The following SIM2 variants were observed in gnomAD, a reference collection of about 807,000 sequenced individuals.
SIM2 encodes SIM bHLH transcription factor 2.
A neutral mutation model predicts 64.8 loss-of-function variants in SIM2; 28 were observed. That is an observed-to-expected ratio of 0.43 (90% CI 0.32 to 0.59). The LOEUF is 0.59. Among genes scored for constraint, SIM2 ranks in the 20% least tolerant of loss-of-function variants. SIM2 has a pLI of 0.07. For missense variants in SIM2, 847 were observed against 871.4 expected (o/e 0.97, Z 0.35); for synonymous variants, 408 against 391.1 (o/e 1.04, Z -0.51).
chr21:36,716,347 T>C (rs570452973), intron 3 of SIM2, among the ~76,000 whole-genome samples: 2 of 152,322 alleles, frequency 1.3e-5, no homozygotes, highest in South Asian at 4.1e-4. Context: ...GTAACTAGTA[T>C]ACATGTTCAA....
intron 6 of SIM2, among the ~76,000 whole-genome samples, chr21:36,730,041 G>C (rs1334741784): frequency 6.6e-6 from 1 of 152,170 alleles, no homozygotes; most frequent in Non-Finnish European, 1.5e-5. Flanking sequence ...GCGTTATCCT[G>C]TCTTCTGGGG....
At chr21:36,735,423 G>A (rs1238180586) in intron 7 of SIM2, among the ~76,000 whole-genome samples, 2 of 152,170 alleles carry the variant, frequency 1.3e-5, no homozygotes, top group African/African-American at 2.4e-5. Flanking sequence ...TCTTTCCCTT[G>A]TCCACAGAGG....
intron 8 of SIM2, 144 bp downstream of exon 8, chr21:36,742,008 T>G (rs960609893): frequency 3.0e-6 from 3 of 999,340 alleles, no homozygotes; most frequent in Non-Finnish European, 2.8e-6. Context: ...TTAATTTTTT[T>G]TTTTTAGGAA....
chr21:36,748,196 G>C lies in SIM2; in HGVS notation c.*104G>C. On this transcript the variant is annotated 3_prime_UTR_variant, in exon 11 of 11. Coordinates refer to ENST00000290399, the MANE Select transcript of SIM2 (RefSeq NM_005069.6). ...ACCTACATTAATTTATGCAGAGACAGCTGTTTGAATTGGACCCCGCCGCCG... is the reference window on the plus strand; with the variant it reads ...ACCTACATTAATTTATGCAGAGACACCTGTTTGAATTGGACCCCGCCGCCG... The C allele has an allele frequency of 3.9e-6, 2 of 506,770 alleles. No homozygotes were observed. The highest frequency in any genetic ancestry group is 5.3e-6 in the Non-Finnish European group (2 of 378,450). 31.4% of individuals were successfully genotyped at this position (506,770 alleles called of 1,614,324 possible). A position where few individuals can be genotyped will look rare whatever the true frequency, so the allele number is the denominator to read the frequency against.
At chr21:36,729,158 G>A (rs990642842) in intron 6 of SIM2, among the ~76,000 whole-genome samples, 8 of 152,170 alleles carry the variant, frequency 5.3e-5, no homozygotes, top group African/African-American at 1.4e-4. Context: ...TCATTTACAC[G>A]TTTGGGGCCG....
In SIM2 at chr21:36,743,381, T is replaced by C. The variant is rs759299787; in HGVS notation, c.999-6T>C. 1.2e-6 allele frequency: 2 copies of C among 1,610,382 alleles called. No homozygotes were observed. The highest frequency in any genetic ancestry group is 1.7e-6 in the Non-Finnish European group (2 of 1,178,542). ...GGACATGACTCGGCCCACTCTCGCC[T>C]TCCAGGGAGATTGAATACAAGGAAC... On this transcript the variant is annotated splice_polypyrimidine_tract_variant and splice_region_variant and intron_variant, in intron 8 of 10. Coordinates refer to ENST00000290399, the MANE Select transcript of SIM2 (RefSeq NM_005069.6).
At chr21:36,706,176 C>T (rs909697111) in intron 1 of SIM2, among the ~76,000 whole-genome samples, 11 of 152,228 alleles carry the variant, frequency 7.2e-5, no homozygotes, top group African/African-American at 2.4e-4. Context: ...TGAGGAACGG[C>T]AGGCAGGGTG....
intron 1 of SIM2, among the ~76,000 whole-genome samples, chr21:36,701,808 A>G (rs1191294481): frequency 2.0e-5 from 3 of 152,110 alleles, no homozygotes; most frequent in Non-Finnish European, 4.4e-5. Context: ...CCTTCCGGGG[A>G]GGCGTGGTGG....
intron 5 of SIM2, among the ~76,000 whole-genome samples, chr21:36,723,706 G>A (rs1423581636): frequency 6.6e-6 from 1 of 152,228 alleles, no homozygotes; most frequent in African/African-American, 2.4e-5. Context: ...ACGGCAGAAG[G>A]GGCTTGGTGG....
Position 36,745,322 on chromosome 21 carries a change from G to C in SIM2, c.1576+186G>C. 1.4e-6 allele frequency: 2 copies of C among 1,444,202 alleles called. No individual in the cohort carries two copies. Among genetic ancestry groups the C allele is most frequent in the Non-Finnish European group, 1.8e-6 (2 of 1,094,444 alleles). The allele number at this position is 1,444,202 out of a possible 1,614,324, so 89.5% of individuals were successfully genotyped here. A position where few individuals can be genotyped will look rare whatever the true frequency, so the allele number is the denominator to read the frequency against. On this transcript the variant is annotated intron_variant, in intron 10 of 10. Coordinates refer to ENST00000290399, the MANE Select transcript of SIM2 (RefSeq NM_005069.6). This position sits in a 1 kb window ranked among gnomAD's most constrained non-coding sequence, Gnocchi z 4.8. Reference sequence around the variant, plus strand: ...CAATGCAGGTGCTCCTCGAGAGTGAGAAATGGCAGTCTGCCTGCCTCGGGG... The same window carrying C: ...CAATGCAGGTGCTCCTCGAGAGTGACAAATGGCAGTCTGCCTGCCTCGGGG...
chr21:36,728,223 C>A (rs1224852676), intron 6 of SIM2, among the ~76,000 whole-genome samples: 1 of 152,224 alleles, frequency 6.6e-6, no homozygotes, highest in African/African-American at 2.4e-5. Context: ...TCAGAGACAT[C>A]TAGGAGGATC....
intron 2 of SIM2, 73 bp downstream of exon 2, chr21:36,709,323 G>C: frequency 7.9e-7 from 1 of 1,273,654 alleles, no homozygotes. Context: ...CCAGCCTCCA[G>C]GCGTCCCTTC....
intron 9 of SIM2, among the ~76,000 whole-genome samples, chr21:36,743,996 A>C (rs983822872): frequency 5.3e-5 from 8 of 152,224 alleles, no homozygotes; most frequent in African/African-American, 1.7e-4. Flanking sequence ...TGCCTGTAAT[A>C]CCAGCACTTT....
rs571774763 is a variant in SIM2, at chr21:36,745,062, G to A, written c.1502G>A (p.Ser501Asn). ...TATGCCAACCCCCTAGTGCCTAGCA[G>A]CTCGTCTCCAGCTAAAAATCCTCCA... ...WHYANPLVPS[S>N]SSPAKNPPEP... Residue 501 changes from serine (S) to asparagine (N), a missense_variant, in exon 10 of 11, where the codon AGC becomes AAC. By Grantham distance (46) the Ser-to-Asn change is conservative. Transcript: ENST00000290399. The surrounding 1 kb of genome is among the most constrained non-coding windows in gnomAD (Gnocchi z 4.8). The A allele has an allele frequency of 5.6e-6, 9 of 1,613,550 alleles. No homozygotes were observed. In the African/African-American group the frequency reaches 1.2e-4, roughly 21 times the overall value.
intron 1 of SIM2, among the ~76,000 whole-genome samples, chr21:36,705,196 C>T (rs2088562747): frequency 6.6e-6 from 1 of 152,194 alleles, no homozygotes; most frequent in African/African-American, 2.4e-5. Flanking sequence ...GGTGGCGGAG[C>T]TGTAGAGGCT....
At chr21:36,702,189 G>A (rs1398904354) in intron 1 of SIM2, among the ~76,000 whole-genome samples, 2 of 152,208 alleles carry the variant, frequency 1.3e-5, no homozygotes, top group Non-Finnish European at 2.9e-5. Flanking sequence ...GAGTTTGGGC[G>A]GGGGTGGTCC....
In SIM2 at chr21:36,719,842, A is replaced by G; in HGVS notation, c.370A>G (p.Ile124Val). The G allele has an allele frequency of 1.2e-6, 2 of 1,612,508 alleles. No homozygotes were observed. Among genetic ancestry groups the G allele is most frequent in the Non-Finnish European group, 1.7e-6 (2 of 1,178,728 alleles). ...GCAGGTGGAGCTCACGGGCAACAGT[A>G]TTTATGAATACATCCATCCTTCTGA... Reference protein sequence around the residue: ...LSQVELTGNSIYEYIHPSDHD... With the variant: ...LSQVELTGNSVYEYIHPSDHD... The change falls in exon 4 of 11, where the codon ATT becomes GTT. Residue 124 changes from isoleucine to valine, a missense_variant. Ile to Val is a conservative substitution (Grantham distance 29). Around this residue, in one of 3 missense-constraint regions of SIM2, gnomAD observed 397 missense variants for 439.2 expected, o/e 0.90. Coordinates refer to ENST00000290399, the MANE Select transcript of SIM2 (RefSeq NM_005069.6).
intron 3 of SIM2, among the ~76,000 whole-genome samples, chr21:36,717,510 C>T (rs373299393): frequency 4.8e-5 from 7 of 144,602 alleles, no homozygotes; most frequent in Non-Finnish European, 8.9e-5. Flanking sequence ...TGCAGTGGTG[C>T]GATGTCGGCT....
rs1471531571 is a variant in SIM2 at position 36,747,631 on chromosome 21, T to G, written c.1577-34T>G. On this transcript the variant is annotated intron_variant, in intron 10 of 10. Transcript: ENST00000290399. The surrounding 1 kb of genome is among the most constrained non-coding windows in gnomAD (Gnocchi z 4.5). ...GGTGGGGTGGCTGCGGCCGCGCCCC[T>G]TGCTGCCCTCTAACGTGTCGCCTGT... The G allele has an allele frequency of 8.3e-7, 1 of 1,204,796 alleles. No individual in the cohort carries two copies. Among genetic ancestry groups the G allele is most frequent in the Non-Finnish European group, 1.0e-6 (1 of 969,478 alleles). 74.6% of individuals were successfully genotyped at this position (1,204,796 alleles called of 1,614,324 possible).
Sources: allele counts gnomAD v4.1 joint callset (sites outside exome capture counted in the v4.1 genomes callset), GRCh38; gene constraint gnomAD v4.1.1; regional missense constraint gnomAD v4.1.1; non-coding constraint Gnocchi (gnomAD v3.1); transcripts MANE v1.5; gene names NCBI Gene and HGNC (gene_info 2026-07-23, HGNC 2026-07-21).